OSBPL8: variants seen among roughly 807,000 people sequenced by gnomAD.
The protein encoded by OSBPL8 is oxysterol binding protein like 8, also known as oxysterol-binding protein-related protein 8.
Under a neutral mutation model 125.5 loss-of-function variants are expected in OSBPL8, and 59 were observed. That is an observed-to-expected ratio of 0.47 (90% confidence interval 0.38 to 0.58). The LOEUF is 0.58. Among genes scored for constraint, OSBPL8 ranks in the 20% least tolerant of loss-of-function variants. The pLI is 0.00. For synonymous variants in OSBPL8, 330 were observed against 338.9 expected (o/e 0.97, Z 0.29); for missense variants, 758 against 1,047.8 (o/e 0.72, Z 3.82).
intron 2 of OSBPL8, among the ~76,000 whole-genome samples, chr12:76,464,896 G>A (rs1875210200): frequency 6.6e-6 from 1 of 152,170 alleles, no homozygotes; most frequent in Non-Finnish European, 1.5e-5. Context: ...AATTCAGAAA[G>A]AGTATACAAA....
chr12:76,538,393 T>C (rs1330501480), intron 1 of OSBPL8, among the ~76,000 whole-genome samples: 1 of 152,210 alleles, frequency 6.6e-6, no homozygotes, highest in Non-Finnish European at 1.5e-5. Context: ...TTCTTAATAA[T>C]AAGATTAGCA....
intron 1 of OSBPL8, among the ~76,000 whole-genome samples, chr12:76,551,358 C>T (rs1950932836): frequency 6.6e-6 from 1 of 152,164 alleles, no homozygotes; most frequent in South Asian, 2.1e-4. Flanking sequence ...TATCTTGAAA[C>T]ATTTTTCATT....
At chr12:76,473,084 G>A (rs1002863515) in intron 2 of OSBPL8, among the ~76,000 whole-genome samples, 5 of 152,102 alleles carry the variant, frequency 3.3e-5, no homozygotes, top group African/African-American at 9.7e-5. Flanking sequence ...GGCCCTGTCC[G>A]GGCATAACAG....
chr12:76,530,245 G>C (rs1950300097), intron 1 of OSBPL8, among the ~76,000 whole-genome samples: 1 of 85,276 alleles, frequency 1.2e-5, no homozygotes, highest in Non-Finnish European at 2.3e-5. Context: ...TTTTTTTGTA[G>C]AAAAGTCTCA....
intron 4 of OSBPL8, among the ~76,000 whole-genome samples, 193 bp downstream of exon 4, chr12:76,450,658 T>TTAA (rs2136730377): frequency 6.6e-6 from 1 of 151,658 alleles, no homozygotes; most frequent in South Asian, 2.1e-4. Flanking sequence ...TTAAAAAAAA[T>TTAA]TAAAAGTCTA....
intron 5 of OSBPL8, among the ~76,000 whole-genome samples, chr12:76,405,172 T>C (rs1381599671): frequency 1.3e-5 from 2 of 152,034 alleles, no homozygotes; most frequent in Non-Finnish European, 2.9e-5. Context: ...CAAGGAGAAA[T>C]CTGTGGCCGG....
At chr12:76,441,990 T>C (rs1227090687) in intron 4 of OSBPL8, among the ~76,000 whole-genome samples, 1 of 152,174 alleles carries the variant, frequency 6.6e-6, no homozygotes, top group Admixed American at 6.5e-5. Context: ...ATACATAACA[T>C]ATTTTCCATG....
intron 1 of OSBPL8, among the ~76,000 whole-genome samples, chr12:76,488,150 A>G (rs998367448): frequency 6.6e-6 from 1 of 152,204 alleles, no homozygotes; most frequent in Non-Finnish European, 1.5e-5. Context: ...AAATCTGATG[A>G]AAAAAACTAG....
intron 1 of OSBPL8, among the ~76,000 whole-genome samples, chr12:76,559,150 C>T (rs1037382557): frequency 1.3e-5 from 2 of 152,206 alleles, no homozygotes; most frequent in African/African-American, 2.4e-5. Flanking sequence ...CAGCCTCCCA[C>T]CCCCGTTCCC....
intron 4 of OSBPL8, among the ~76,000 whole-genome samples, chr12:76,425,612 G>A (rs1870054722): frequency 6.6e-6 from 1 of 152,200 alleles, no homozygotes; most frequent in African/African-American, 2.4e-5. Flanking sequence ...CAAACTGCTT[G>A]GGTGAGCTTT....
chr12:76,380,550 C>T (rs1232950776), intron 15 of OSBPL8, among the ~76,000 whole-genome samples: 1 of 96,246 alleles, frequency 1.0e-5, no homozygotes, highest in South Asian at 3.9e-4. Flanking sequence ...AAAAAAAACC[C>T]TCTGCAAGTA....
At chr12:76,404,874 C>T (rs1954191779) in intron 5 of OSBPL8, among the ~76,000 whole-genome samples, 1 of 152,108 alleles carries the variant, frequency 6.6e-6, no homozygotes, top group African/African-American at 2.4e-5. Flanking sequence ...AGGGCAGGGT[C>T]AGTGCCCCTA....
intron 5 of OSBPL8, among the ~76,000 whole-genome samples, chr12:76,405,330 G>A (rs1435394521): frequency 6.6e-6 from 1 of 152,078 alleles, no homozygotes; most frequent in African/African-American, 2.4e-5. Flanking sequence ...ATAGTGGTGT[G>A]TCCCTGTAGT....
At chr12:76,410,512 T>C in intron 5 of OSBPL8, 52 bp downstream of exon 5, 1 of 1,323,638 alleles carries the variant, frequency 7.6e-7, no homozygotes, top group Non-Finnish European at 1.1e-6. Context: ...AGTTCCCTCA[T>C]CTCAAATATT....
In OSBPL8 at chr12:76,559,520, G is replaced by A. The variant is rs973043470; in HGVS notation, c.-191C>T. On this transcript the variant is annotated 5_prime_UTR_variant, in exon 1 of 24. Transcript: ENST00000261183. Reference sequence around the variant, plus strand: ...CCAACTTCTCTCGGCCGCTGTCGTCGGCGGCAGCTGGGGCGCGAGCCTGGA... The same window carrying A: ...CCAACTTCTCTCGGCCGCTGTCGTCAGCGGCAGCTGGGGCGCGAGCCTGGA... 1 of 152,146 alleles carries A rather than the reference G, an allele frequency of 6.6e-6. No individual in the cohort carries two copies. The highest frequency in any genetic ancestry group is 2.4e-5 in the African/African-American group (1 of 41,428). The allele number at this position is 152,146 out of a possible 1,614,324, so 9.4% of individuals were successfully genotyped here.
intron 1 of OSBPL8, among the ~76,000 whole-genome samples, chr12:76,526,796 G>A (rs1019332905): frequency 5.9e-5 from 9 of 151,324 alleles, no homozygotes; most frequent in Non-Finnish European, 8.8e-5. Context: ...GATTACAGGC[G>A]TGCACCACCA....
intron 1 of OSBPL8, among the ~76,000 whole-genome samples, chr12:76,499,119 C>T (rs1215710237): frequency 1.3e-5 from 2 of 152,122 alleles, no homozygotes; most frequent in South Asian, 2.1e-4. Context: ...GGCAGGAAAA[C>T]GTGAAAGGGG....
At chr12:76,383,461 A>G (rs1056981644) in intron 15 of OSBPL8, among the ~76,000 whole-genome samples, 6 of 151,920 alleles carry the variant, frequency 3.9e-5, no homozygotes, top group African/African-American at 1.2e-4. Context: ...TTGAAGAAAT[A>G]TAACAATACA....
At chr12:76,503,823 A>G (rs1275931135) in intron 1 of OSBPL8, among the ~76,000 whole-genome samples, 1 of 152,074 alleles carries the variant, frequency 6.6e-6, no homozygotes, top group Admixed American at 6.6e-5. Flanking sequence ...GATTACAGGC[A>G]TAAGCCACCG....
Sources: allele counts gnomAD v4.1 joint callset (sites outside exome capture counted in the v4.1 genomes callset), GRCh38; gene constraint gnomAD v4.1.1; transcripts MANE v1.5; gene names NCBI Gene and HGNC (gene_info 2026-07-23, HGNC 2026-07-21).